Variants in SLC25A21 observed in about 807,000 individuals in gnomAD.
SLC25A21 encodes the protein solute carrier family 25 member 21, also known as mitochondrial 2-oxodicarboxylate carrier.
A neutral mutation model predicts 43.8 loss-of-function variants in SLC25A21; 47 were observed. The observed-to-expected ratio is 1.07, with a 90% CI of 0.85 to 1.37. SLC25A21 has a LOEUF of 1.37. Among genes scored for constraint, SLC25A21 ranks in the 40% most tolerant of loss-of-function variants. The pLI, the probability that SLC25A21 is intolerant of heterozygous loss-of-function variation, is 0.00. For missense variants in SLC25A21, 352 were observed against 350.2 expected (o/e 1.00, Z -0.04); for synonymous variants, 131 against 121.3 (o/e 1.08, Z -0.52).
chr14:36,951,226 C>T (rs1208733395), intron 1 of SLC25A21, among the ~76,000 whole-genome samples: 2 of 114,864 alleles, frequency 1.7e-5, no homozygotes, highest in East Asian at 2.1e-4. Flanking sequence ...GCCTTCTCTA[C>T]TGCCATTACA....
intron 1 of SLC25A21, among the ~76,000 whole-genome samples, chr14:36,950,607 C>T (rs935299836): frequency 6.6e-6 from 1 of 152,160 alleles, no homozygotes; most frequent in Non-Finnish European, 1.5e-5. Context: ...ATTGTTATGG[C>T]AGCCCTAGCA....
intron 3 of SLC25A21, among the ~76,000 whole-genome samples, chr14:36,804,569 A>C (rs1202522993): frequency 2.0e-5 from 3 of 152,238 alleles, no homozygotes; most frequent in Non-Finnish European, 4.4e-5. Flanking sequence ...AAAGGACCAG[A>C]ATGGTAACAG....
chr14:36,798,762 G>C (rs1887761434), intron 3 of SLC25A21, among the ~76,000 whole-genome samples: 1 of 152,058 alleles, frequency 6.6e-6, no homozygotes, highest in Non-Finnish European at 1.5e-5. Context: ...AAAACACTTT[G>C]TACACTTCAG....
At chr14:36,761,546 A>C (rs1047363639) in intron 3 of SLC25A21, among the ~76,000 whole-genome samples, 3 of 152,238 alleles carry the variant, frequency 2.0e-5, no homozygotes, top group African/African-American at 7.2e-5. Context: ...TCCACAGAGG[A>C]TCATAGACTA....
intron 1 of SLC25A21, among the ~76,000 whole-genome samples, chr14:36,963,622 C>T (rs1341820758): frequency 6.6e-6 from 1 of 152,088 alleles, no homozygotes; most frequent in Non-Finnish European, 1.5e-5. Context: ...AACACGGGGC[C>T]GCTACAACCT....
intron 3 of SLC25A21, among the ~76,000 whole-genome samples, chr14:36,744,011 T>C (rs1047697436): frequency 6.6e-6 from 1 of 152,050 alleles, no homozygotes; most frequent in African/African-American, 2.4e-5. Flanking sequence ...CAAGGAGAAT[T>C]GCAAAAGATT....
chr14:36,853,558 G>A (rs774805388), intron 2 of SLC25A21, among the ~76,000 whole-genome samples: 8 of 152,082 alleles, frequency 5.3e-5, no homozygotes, highest in African/African-American at 7.2e-5. Flanking sequence ...TCAGCTCCCC[G>A]TTCCTGTGAG....
intron 2 of SLC25A21, among the ~76,000 whole-genome samples, chr14:36,862,398 G>A (rs1014004138): frequency 6.6e-6 from 1 of 152,164 alleles, no homozygotes; most frequent in African/African-American, 2.4e-5. Flanking sequence ...AGCAAATGTG[G>A]CACATATACA....
chr14:36,812,356 T>G (rs1888299815), intron 3 of SLC25A21, among the ~76,000 whole-genome samples: 1 of 151,870 alleles, frequency 6.6e-6, no homozygotes, highest in South Asian at 2.1e-4. Context: ...GAAGGTAAGT[T>G]TGTCAACATC....
At chr14:36,704,615 C>T (rs924144480) in intron 7 of SLC25A21, among the ~76,000 whole-genome samples, 2 of 149,750 alleles carry the variant, frequency 1.3e-5, no homozygotes, top group Non-Finnish European at 3.0e-5. Context: ...CAAGATAGTG[C>T]CACTGCACTC....
At chr14:36,893,964 C>T (rs1187474007) in intron 1 of SLC25A21, among the ~76,000 whole-genome samples, 1 of 152,150 alleles carries the variant, frequency 6.6e-6, no homozygotes, top group Non-Finnish European at 1.5e-5. Flanking sequence ...AGTTTGAAGT[C>T]AGGTAGTGTG....
intron 1 of SLC25A21, among the ~76,000 whole-genome samples, chr14:36,911,847 T>G (rs986213149): frequency 1.3e-5 from 2 of 152,132 alleles, no homozygotes; most frequent in Admixed American, 6.5e-5. Context: ...TTGGAATGAT[T>G]TGTTACACAG....
intron 3 of SLC25A21, among the ~76,000 whole-genome samples, chr14:36,740,136 C>T (rs116788206): frequency 0.022 from 3,338 of 152,188 alleles, 123 homozygotes; most frequent in African/African-American, 0.075. Flanking sequence ...AGCCTTAAAT[C>T]GAAATTCTTA....
intron 1 of SLC25A21, among the ~76,000 whole-genome samples, chr14:36,918,337 G>C (rs1891887410): frequency 6.6e-6 from 1 of 152,160 alleles, no homozygotes; most frequent in Admixed American, 6.6e-5. Flanking sequence ...CAGTGATCAA[G>C]GGCTGGTGTA....
At chr14:36,805,830 G>A (rs889389347) in intron 3 of SLC25A21, among the ~76,000 whole-genome samples, 1 of 152,068 alleles carries the variant, frequency 6.6e-6, no homozygotes, top group Non-Finnish European at 1.5e-5. Flanking sequence ...TTCATATGTG[G>A]AAGCTAAAAA....
At chr14:37,150,777 G>C (rs1265198169) in intron 1 of SLC25A21, among the ~76,000 whole-genome samples, 1 of 152,070 alleles carries the variant, frequency 6.6e-6, no homozygotes, top group Non-Finnish European at 1.5e-5. Context: ...GTCCTAGGCG[G>C]ACGCTCCAAA....
chr14:36,703,989 T>C (rs1003540156), intron 7 of SLC25A21, among the ~76,000 whole-genome samples: 2 of 152,166 alleles, frequency 1.3e-5, no homozygotes, highest in Non-Finnish European at 2.9e-5. Flanking sequence ...TCCATTCCAT[T>C]TACTACAAGA....
intron 1 of SLC25A21, among the ~76,000 whole-genome samples, chr14:37,080,362 G>A (rs1962362868): frequency 6.6e-6 from 1 of 152,170 alleles, no homozygotes; most frequent in Non-Finnish European, 1.5e-5. Flanking sequence ...GGAGGCTGAA[G>A]CTGGCAGATT....
chr14:36,807,688 A>G (rs992222875), intron 3 of SLC25A21, among the ~76,000 whole-genome samples: 1 of 152,220 alleles, frequency 6.6e-6, no homozygotes, highest in African/African-American at 2.4e-5. Context: ...TAGACCCACT[A>G]AGACACTGAA....
Sources: gnomAD v4.1 joint callset for allele counts (sites outside exome capture counted in the v4.1 genomes callset) on GRCh38, gnomAD v4.1.1 for gene constraint, MANE v1.5 for transcripts, NCBI Gene and HGNC (gene_info 2026-07-23, HGNC 2026-07-21) for gene names.